RPP30: variants seen among roughly 807,000 people sequenced by gnomAD.
RPP30 encodes the protein ribonuclease P protein subunit p30.
RPP30 carries 36 observed loss-of-function variants against 38.6 expected under a neutral mutation model. That is an observed-to-expected ratio of 0.93 (90% CI 0.71 to 1.23). RPP30 has a LOEUF of 1.23. RPP30 is among the 50% of genes most tolerant of loss of function. RPP30 has a pLI of 0.00. For synonymous variants in RPP30, 126 were observed against 112.7 expected (o/e 1.12, Z -0.75); for missense variants, 321 against 321.7 (o/e 1.00, Z 0.02).
chr10:90,874,413 C>T (rs976232170), intron 1 of RPP30, among the ~76,000 whole-genome samples: 4 of 151,652 alleles, frequency 2.6e-5, no homozygotes, highest in African/African-American at 4.8e-5. Flanking sequence ...AAGAAATGAA[C>T]GGGAATAAAA....
intron 4 of RPP30, among the ~76,000 whole-genome samples, chr10:90,877,352 A>G (rs1846866298): frequency 6.6e-6 from 1 of 152,084 alleles, no homozygotes; most frequent in Non-Finnish European, 1.5e-5. Flanking sequence ...CCAATTAAAG[A>G]TGGTGCTTTG....
At chr10:90,898,656 G>A (rs974307269) in intron 10 of RPP30, among the ~76,000 whole-genome samples, 2 of 152,152 alleles carry the variant, frequency 1.3e-5, no homozygotes, top group African/African-American at 2.4e-5. Flanking sequence ...TCACGAGGGT[G>A]GTGCAGACAT....
At chr10:90,895,057 A>T in intron 7 of RPP30, 166 bp downstream of exon 7, 2 of 701,558 alleles carry the variant, frequency 2.9e-6, no homozygotes, top group Non-Finnish European at 5.2e-6. Context: ...GGAAAGAAAA[A>T]TACCAAGGGA....
At chr10:90,898,607 C>T (rs1349331871) in intron 10 of RPP30, among the ~76,000 whole-genome samples, 1 of 152,162 alleles carries the variant, frequency 6.6e-6, no homozygotes, top group East Asian at 1.9e-4. Context: ...AATGTCTACT[C>T]AGTCCTTAAA....
chr10:90,899,853 T>C (rs181554626), intron 10 of RPP30, among the ~76,000 whole-genome samples: 1 of 152,210 alleles, frequency 6.6e-6, no homozygotes, highest in Admixed American at 6.6e-5. Context: ...AAAAGCACTG[T>C]CTGTTAGGAA....
chr10:90,896,315 G>A lies in RPP30; in HGVS notation c.620G>A (p.Gly207Asp), dbSNP rs145322778. 1 of 1,613,948 alleles carries A rather than the reference G, an allele frequency of 6.2e-7. No individual in the cohort carries two copies. The highest frequency in any genetic ancestry group is 1.1e-5 in the South Asian group (1 of 91,068). Residue 207 changes from glycine to aspartate, a missense_variant and splice_region_variant, in exon 10 of 11, where the codon GGC becomes GAC. Physicochemically the swap from Gly to Asp is moderately conservative, Grantham distance 94. Transcript: ENST00000371703. The part of the protein sequence containing the change: ...IRGPYDVANL[G>D]LLFGLSESDA... Reference sequence around the variant, plus strand: ...GAAATCTTTAATGCTCCCCCAAGAGGCTTGCTGTTTGGGCTCTCTGAAAGT... The same window carrying A: ...GAAATCTTTAATGCTCCCCCAAGAGACTTGCTGTTTGGGCTCTCTGAAAGT...
At chr10:90,907,745 C>A (rs11186360), downstream of RPP30, among the ~76,000 whole-genome samples, 26,480 of 152,138 alleles carry the variant, frequency 0.17, 2,381 homozygotes, top group African/African-American at 0.23. Context: ...TTCAGACAAA[C>A]CCTAAAGGTT....
At chr10:90,887,543 C>G (rs190295925) in intron 6 of RPP30, among the ~76,000 whole-genome samples, 1 of 151,792 alleles carries the variant, frequency 6.6e-6, no homozygotes, top group Non-Finnish European at 1.5e-5. Flanking sequence ...CCACCATGTC[C>G]GGCTAATTTT....
chr10:90,886,700 C>A (rs1847004438), intron 6 of RPP30, among the ~76,000 whole-genome samples: 1 of 152,092 alleles, frequency 6.6e-6, no homozygotes, highest in Non-Finnish European at 1.5e-5. Flanking sequence ...GTCTCCTGTT[C>A]TCAAAAACTG....
chr10:90,879,774 G>A (rs1205831568), intron 5 of RPP30, among the ~76,000 whole-genome samples: 2 of 152,160 alleles, frequency 1.3e-5, no homozygotes, highest in African/African-American at 4.8e-5. Context: ...GTCACCTTGA[G>A]ACAGAACACC....
intron 5 of RPP30, among the ~76,000 whole-genome samples, chr10:90,884,418 T>C (rs1252705946): frequency 6.6e-6 from 1 of 152,220 alleles, no homozygotes; most frequent in Non-Finnish European, 1.5e-5. Context: ...AGTACCAAAC[T>C]TTTTTATCTT....
At chr10:90,878,299 C>G (rs929259159) in intron 4 of RPP30, among the ~76,000 whole-genome samples, 2 of 152,104 alleles carry the variant, frequency 1.3e-5, no homozygotes, top group East Asian at 3.9e-4. Context: ...ACCCTCCTAA[C>G]TTTTATTATA....
At chr10:90,903,587 A>G (rs1847225830), downstream of RPP30, among the ~76,000 whole-genome samples, 1 of 152,228 alleles carries the variant, frequency 6.6e-6, no homozygotes, top group Admixed American at 6.5e-5. Flanking sequence ...ATACATGTTT[A>G]TGCCATTGTT....
chr10:90,902,996 A>G (rs1168644556), downstream of RPP30, among the ~76,000 whole-genome samples: 1 of 152,158 alleles, frequency 6.6e-6, no homozygotes, highest in African/African-American at 2.4e-5. Flanking sequence ...TAAATATGAA[A>G]ATTGATGAGC....
At chr10:90,879,176 AT>A (rs766943901) in intron 5 of RPP30, 42 bp downstream of exon 5, 302 of 1,472,082 alleles carry the variant, frequency 2.1e-4, no homozygotes, top group Non-Finnish European at 2.6e-4. Flanking sequence ...TATATATGTT[AT>A]ATAAGAAGTC....
At chr10:90,880,727 T>A (rs10881842) in intron 5 of RPP30, among the ~76,000 whole-genome samples, 11,969 of 152,016 alleles carry the variant, frequency 0.079, 498 homozygotes, top group East Asian at 0.16. Context: ...CTCAAAAAAA[T>A]TTTTTTTAAA....
At chr10:90,898,289 C>A (rs183518921) in intron 10 of RPP30, among the ~76,000 whole-genome samples, 1 of 152,266 alleles carries the variant, frequency 6.6e-6, no homozygotes, top group East Asian at 1.9e-4. Flanking sequence ...CAGGACAGTT[C>A]TAGTTTATGC....
Position 90,902,176 on chromosome 10 carries a change from A to G in RPP30, c.*1497A>G. 1.1e-6 allele frequency: 1 copy of G among 916,952 alleles called. No homozygotes were observed. The highest frequency in any genetic ancestry group is 1.3e-6 in the Non-Finnish European group (1 of 763,532). The allele number at this position is 916,952 out of a possible 1,614,324, so 56.8% of individuals were successfully genotyped here. A position where few individuals can be genotyped will look rare whatever the true frequency, so the allele number is the denominator to read the frequency against. ...AATGTTTAAATAAAATATTGATTAA[A>G]AAAACATTAAAAGTGCATCATGACC... On this transcript the variant is annotated 3_prime_UTR_variant, in exon 11 of 11. Coordinates refer to ENST00000371703, the MANE Select transcript of RPP30 (RefSeq NM_006413.5).
intron 8 of RPP30, 90 bp downstream of exon 8, chr10:90,895,573 T>C: frequency 1.3e-6 from 1 of 753,584 alleles, no homozygotes; most frequent in South Asian, 3.7e-5. Context: ...TAAATGAATA[T>C]TTGTTGCATT....
Sources: allele counts gnomAD v4.1 joint callset (sites outside exome capture counted in the v4.1 genomes callset), GRCh38; gene constraint gnomAD v4.1.1; transcripts MANE v1.5; gene names NCBI Gene and HGNC (gene_info 2026-07-23, HGNC 2026-07-21).